The following NEURL1B variants were observed in gnomAD, a reference collection of about 807,000 sequenced individuals.
The protein encoded by NEURL1B is neuralized E3 ubiquitin protein ligase 1B.
Under a neutral mutation model 37.4 loss-of-function variants are expected in NEURL1B, and 13 were observed. The observed-to-expected ratio is 0.35, with a 90% CI of 0.23 to 0.55. NEURL1B has a LOEUF of 0.55. Ranked by LOEUF, NEURL1B falls within the 20% of genes least tolerant of loss-of-function variation. The probability of loss-of-function intolerance (pLI) is 0.89; values close to 1 mark genes in which losing one functional copy is unlikely to be tolerated. For missense variants in NEURL1B, 790 were observed against 879.2 expected (o/e 0.90, Z 1.28); for synonymous variants, 432 against 426.6 (o/e 1.01, Z -0.16).
In NEURL1B at chr5:172,660,286, T is replaced by C. The variant is rs368161144; in HGVS notation, c.32-9499T>C. ...TGGGAATCCCAGCCCTGGCTGAGCATGCTTTGAGGGGGCGTCGGGATGACC... is the reference window on the plus strand; with the variant it reads ...TGGGAATCCCAGCCCTGGCTGAGCACGCTTTGAGGGGGCGTCGGGATGACC... On this transcript the variant is annotated intron_variant, in intron 1 of 4. Transcript: ENST00000369800. Among the ~76,000 whole-genome samples, 25 of 152,324 alleles carry C rather than the reference T, an allele frequency of 1.6e-4. 1 individual carries two copies. The highest frequency in any genetic ancestry group is 6.0e-4 in the African/African-American group (25 of 41,586).
chr5:172,683,906 G>GC lies in NEURL1B; in HGVS notation c.1068dup (p.Ala357ArgfsTer99). 2 of 1,414,772 alleles carry GC rather than the reference G, an allele frequency of 1.4e-6. No homozygotes were observed. Among genetic ancestry groups the GC allele is most frequent in the Non-Finnish European group, 9.3e-7 (1 of 1,079,474 alleles). 87.6% of individuals were successfully genotyped at this position (1,414,772 alleles called of 1,614,324 possible). On this transcript the variant is annotated frameshift_variant, in exon 3 of 5. Transcript: ENST00000369800. LOFTEE classifies it high-confidence loss of function. This position sits in a 1 kb window ranked among gnomAD's most constrained non-coding sequence, Gnocchi z 5.6. ...CGGGCGTGCTACGGCCCAACGAGCT[G>GC]CCCGCCGACCCAGACGCGCTGCTCG... is the stretch of plus-strand genomic sequence containing the variant.
chr5:172,656,396 C>T, intron 1 of NEURL1B: 1 of 689,254 alleles, frequency 1.5e-6, no homozygotes, highest in Non-Finnish European at 2.4e-6. Flanking sequence ...CTTAAATGTA[C>T]AACAGCTCCA....
intron 3 of NEURL1B, among the ~76,000 whole-genome samples, chr5:172,685,378 A>G (rs1456571309): frequency 1.3e-5 from 2 of 152,220 alleles, no homozygotes; most frequent in Non-Finnish European, 2.9e-5. Context: ...AGACATAGTC[A>G]TCATTTCAGC....
Position 172,641,598 on chromosome 5 carries a change from C to G in NEURL1B, c.31+161C>G, listed in dbSNP as rs910857006. The stretch of plus-strand genomic sequence containing the variant: ...CCGGACCTCAGCTCGGCGCGCGCCC[C>G]GCGGCTGGGCTTTGCGCCCCGGGAG... On this transcript the variant is annotated intron_variant, in intron 1 of 4. Transcript: ENST00000369800. The surrounding 1 kb of genome is among the most constrained non-coding windows in gnomAD (Gnocchi z 6.4). Among the ~76,000 whole-genome samples, 1 of 152,142 alleles carries G rather than the reference C, an allele frequency of 6.6e-6. No homozygotes were observed. The highest frequency in any genetic ancestry group is 1.5e-5 in the Non-Finnish European group (1 of 68,010).
At chr5:172,678,296 C>T (rs1179701670) in intron 2 of NEURL1B, among the ~76,000 whole-genome samples, 1 of 152,176 alleles carries the variant, frequency 6.6e-6, no homozygotes, top group Non-Finnish European at 1.5e-5. Flanking sequence ...TGTCTGTCTG[C>T]CCTCTTTCTC....
chr5:172,644,444 A>G (rs1757524629), intron 1 of NEURL1B, among the ~76,000 whole-genome samples: 1 of 152,204 alleles, frequency 6.6e-6, no homozygotes, highest in Non-Finnish European at 1.5e-5. Context: ...GTTCCCCACC[A>G]TGCACGTGGC....
intron 1 of NEURL1B, chr5:172,656,698 C>G: frequency 1.3e-5 from 18 of 1,415,736 alleles, no homozygotes; most frequent in Non-Finnish European, 1.8e-5. Flanking sequence ...TTCTTGCCAC[C>G]TTCGCGGCCG....
rs1758425119 is a variant in NEURL1B at position 172,683,964 on chromosome 5, G to A, written c.1123G>A (p.Gly375Arg). 4.5e-6 allele frequency: 6 copies of A among 1,321,242 alleles called. No individual in the cohort carries two copies. The highest frequency in any genetic ancestry group is 3.6e-5 in the South Asian group (2 of 55,566). The allele number at this position is 1,321,242 out of a possible 1,614,324, so 81.8% of individuals were successfully genotyped here. ...AGAGTACTGGGTGGTGGCGCGCGCC[G>A]GGCCCGTGCCGAGCGGCGGCGACGC... ...RKEYWVVARA[G>R]PVPSGGDALS... The change falls in exon 3 of 5, where the codon GGG becomes AGG. Residue 375 changes from glycine (G) to arginine (R), a missense_variant. By Grantham distance (125) the Gly-to-Arg change is moderately radical. This residue lies in a region of NEURL1B where 460 missense variants were observed against 407.4 expected (regional missense o/e 1.13). Transcript: ENST00000369800. The surrounding 1 kb of genome is among the most constrained non-coding windows in gnomAD (Gnocchi z 5.6).
chr5:172,665,558 C>G lies in NEURL1B; in HGVS notation c.32-4227C>G, dbSNP rs1289125223. Among the ~76,000 whole-genome samples, 1 of 152,220 alleles carries G rather than the reference C, an allele frequency of 6.6e-6. No homozygotes were observed. The highest frequency in any genetic ancestry group is 1.5e-5 in the Non-Finnish European group (1 of 68,038). ...TCTTGCCCATGCAGTGCGTTCTGAG[C>G]CTCTTGGGCTGGCATTCAGGGCCTT... On this transcript the variant is annotated intron_variant, in intron 1 of 4. Transcript: ENST00000369800. The surrounding 1 kb of genome is among the most constrained non-coding windows in gnomAD (Gnocchi z 4.1).
chr5:172,667,275 T>C (rs1378534424), intron 1 of NEURL1B, among the ~76,000 whole-genome samples: 1 of 72,290 alleles, frequency 1.4e-5, no homozygotes, highest in Non-Finnish European at 2.4e-5. Context: ...CTGTCTCTAC[T>C]AAAAAAAAAA....
Position 172,670,315 on chromosome 5 carries a change from G to A in NEURL1B, c.562G>A (p.Glu188Lys), listed in dbSNP as rs1581431826. 7.3e-7 allele frequency: 1 copy of A among 1,368,678 alleles called. No homozygotes were observed. The highest frequency in any genetic ancestry group is 9.4e-7 in the Non-Finnish European group (1 of 1,065,002). 84.8% of individuals were successfully genotyped at this position (1,368,678 alleles called of 1,614,324 possible). A position where few individuals can be genotyped will look rare whatever the true frequency, so the allele number is the denominator to read the frequency against. Residue 188 changes from glutamate to lysine, a missense_variant, in exon 2 of 5, where the codon GAG (glutamate) becomes AAG (lysine). By Grantham distance (56) the Glu-to-Lys change is moderately conservative (BLOSUM62 1). This residue lies in a region of NEURL1B where 215 missense variants were observed against 309.2 expected (regional missense o/e 0.70). Transcript: ENST00000369800. ...ALIDVYGITD[E>K]VQLLESAFAD... is the part of the protein sequence containing the mutation. ...CATTGATGTCTACGGCATCACCGAC[G>A]AGGTGCAGCTTCTGGGTAGGTCGCG... is the stretch of plus-strand genomic sequence containing the variant.
intron 2 of NEURL1B, among the ~76,000 whole-genome samples, chr5:172,680,053 G>A (rs1042379028): frequency 2.0e-5 from 3 of 152,172 alleles, no homozygotes; most frequent in Non-Finnish European, 2.9e-5. Context: ...CAGGAGCCAC[G>A]CCTGTGTGTT....
intron 2 of NEURL1B, among the ~76,000 whole-genome samples, chr5:172,681,854 A>G (rs1299086965): frequency 2.6e-5 from 4 of 152,370 alleles, no homozygotes; most frequent in Middle Eastern, 6.8e-3. Flanking sequence ...TCTTGGCTCA[A>G]AGTGGTCTGT....
At chr5:172,653,174 A>G (rs1757700731) in intron 1 of NEURL1B, among the ~76,000 whole-genome samples, 1 of 152,228 alleles carries the variant, frequency 6.6e-6, no homozygotes, top group Non-Finnish European at 1.5e-5. Flanking sequence ...AACCAAGTAT[A>G]TAATTTCTAA....
chr5:172,670,751 T>C (rs970168207), intron 2 of NEURL1B, among the ~76,000 whole-genome samples: 1 of 152,230 alleles, frequency 6.6e-6, no homozygotes, highest in African/African-American at 2.4e-5. Flanking sequence ...ATTTGCTCAC[T>C]CCTTCACCCA....
At position 172,661,211 on chromosome 5, in the gene NEURL1B, C is replaced by T. The variant is rs371586776; in HGVS notation, c.32-8574C>T. Among the ~76,000 whole-genome samples, 11 of 152,218 alleles carry T rather than the reference C, an allele frequency of 7.2e-5. No homozygotes were observed. The highest frequency in any genetic ancestry group is 4.1e-4 in the South Asian group (2 of 4,820). On this transcript the variant is annotated intron_variant, in intron 1 of 4. Coordinates refer to ENST00000369800, the MANE Select transcript of NEURL1B (RefSeq NM_001142651.3). The surrounding 1 kb of genome is among the most constrained non-coding windows in gnomAD (Gnocchi z 4.0). ...TCACTCAAGGTCTACAGTCCAAGGA[C>T]GCATGTTATAAAGGTCCAGGTCCAG...
intron 1 of NEURL1B, among the ~76,000 whole-genome samples, chr5:172,655,893 A>G (rs937465572): frequency 2.6e-5 from 4 of 152,124 alleles, no homozygotes; most frequent in African/African-American, 9.7e-5. Context: ...CGAGCCCCCA[A>G]ATTGTTATAT....
chr5:172,687,194 A>T lies in NEURL1B; in HGVS notation c.*269A>T. The T allele has an allele frequency of 2.6e-6, 1 of 379,670 alleles. No homozygotes were observed. The allele number at this position is 379,670 out of a possible 1,614,324, so 23.5% of individuals were successfully genotyped here. On this transcript the variant is annotated 3_prime_UTR_variant, in exon 5 of 5. Coordinates refer to ENST00000369800, the MANE Select transcript of NEURL1B (RefSeq NM_001142651.3). ...TCACCCTGTCCCTTGGTGACCTTTCAACTGGGAAACAGCGTCCTCTGTCTG... is the reference window on the plus strand; with the variant it reads ...TCACCCTGTCCCTTGGTGACCTTTCTACTGGGAAACAGCGTCCTCTGTCTG...
At chr5:172,659,755 C>G (rs1379602544) in intron 1 of NEURL1B, among the ~76,000 whole-genome samples, 1 of 152,202 alleles carries the variant, frequency 6.6e-6, no homozygotes. Context: ...CCTCTCCCTT[C>G]TGGCCTGTAC....
Sources: allele counts gnomAD v4.1 joint callset (sites outside exome capture counted in the v4.1 genomes callset), GRCh38; gene constraint gnomAD v4.1.1; regional missense constraint gnomAD v4.1.1; non-coding constraint Gnocchi (gnomAD v3.1); transcripts MANE v1.5; gene names NCBI Gene and HGNC (gene_info 2026-07-23, HGNC 2026-07-21).